Variants in RNF13 observed in about 807,000 individuals in gnomAD.
RNF13 encodes the protein E3 ubiquitin-protein ligase RNF13.
RNF13 carries 19 observed loss-of-function variants against 37.7 expected under a neutral mutation model. That is an observed-to-expected ratio of 0.50 (90% confidence interval 0.35 to 0.74). The LOEUF (loss-of-function observed/expected upper bound fraction) is 0.74. Ranked by LOEUF, RNF13 falls within the 30% of genes least tolerant of loss-of-function variation. The pLI, the probability that RNF13 is intolerant of heterozygous loss-of-function variation, is 0.01. For missense variants in RNF13, 375 were observed against 453.0 expected, an observed-to-expected ratio of 0.83 and a Z score of 1.56; for synonymous variants, 144 against 157.8, an observed-to-expected ratio of 0.91 and a Z score of 0.65.
At chr3:149,895,750 T>C (rs772447649) in intron 5 of RNF13, among the ~76,000 whole-genome samples, 190 bp downstream of exon 5, 2 of 151,634 alleles carry the variant, frequency 1.3e-5, no homozygotes, top group Non-Finnish European at 2.9e-5. Context: ...TTCTGAACAG[T>C]TTTTTTTTAA....
At chr3:149,920,396 A>T (rs546571146) in intron 7 of RNF13, among the ~76,000 whole-genome samples, 6 of 151,472 alleles carry the variant, frequency 4.0e-5, no homozygotes, top group Non-Finnish European at 8.8e-5. Context: ...GCAATGCGCC[A>T]GGCTAATTTT....
intron 7 of RNF13, among the ~76,000 whole-genome samples, chr3:149,915,222 A>G (rs1245874467): frequency 6.6e-6 from 1 of 152,168 alleles, no homozygotes; most frequent in Non-Finnish European, 1.5e-5. Context: ...AATCCTGTTT[A>G]TGATGTATAA....
intron 5 of RNF13, among the ~76,000 whole-genome samples, chr3:149,897,315 C>CT (rs1201325378): frequency 4.8e-4 from 73 of 152,284 alleles, no homozygotes; most frequent in African/African-American, 1.8e-3. Context: ...TTCTCAAGGG[C>CT]TGAATATGTT....
At chr3:149,889,656 T>TA (rs1245180716) in intron 4 of RNF13, among the ~76,000 whole-genome samples, 2 of 148,870 alleles carry the variant, frequency 1.3e-5, no homozygotes, top group Admixed American at 6.7e-5. Context: ...TCTGACAATT[T>TA]TTTTTTTTTT....
At chr3:149,837,769 C>T (rs1721771839) in intron 1 of RNF13, among the ~76,000 whole-genome samples, 1 of 152,090 alleles carries the variant, frequency 6.6e-6, no homozygotes, top group African/African-American at 2.4e-5. Context: ...TGTCATTCTG[C>T]CCTGGCCCCT....
intron 1 of RNF13, among the ~76,000 whole-genome samples, chr3:149,833,118 C>CTTT (rs34729566): frequency 0.029 from 3,290 of 111,806 alleles, 166 homozygotes; most frequent in Non-Finnish European, 0.039. Flanking sequence ...CTCTCTCTCT[C>CTTT]TTTTTTTTTT....
chr3:149,876,048 C>T (rs1185463542), intron 4 of RNF13, among the ~76,000 whole-genome samples: 1 of 152,134 alleles, frequency 6.6e-6, no homozygotes, highest in African/African-American at 2.4e-5. Flanking sequence ...ACTTTCAGAG[C>T]TATACAATTT....
intron 8 of RNF13, among the ~76,000 whole-genome samples, chr3:149,926,753 T>A (rs1718693949): frequency 6.6e-6 from 1 of 152,178 alleles, no homozygotes; most frequent in Non-Finnish European, 1.5e-5. Context: ...TAAATTAAGG[T>A]CCAGATATGT....
chr3:149,860,934 A>T (rs905148106), intron 3 of RNF13, among the ~76,000 whole-genome samples: 8 of 152,156 alleles, frequency 5.3e-5, no homozygotes, highest in Non-Finnish European at 7.4e-5. Context: ...AGTCTGATTT[A>T]AAAAAGGGCA....
At chr3:149,921,795 A>G (rs1455785617) in intron 8 of RNF13, among the ~76,000 whole-genome samples, 2 of 152,160 alleles carry the variant, frequency 1.3e-5, no homozygotes, top group Non-Finnish European at 2.9e-5. Flanking sequence ...CATGATTTAT[A>G]ATCATTTGGG....
chr3:149,848,830 T>C lies in RNF13; in HGVS notation c.114+2690T>C, dbSNP rs149217098. Among the ~76,000 whole-genome samples, 54 of 152,296 alleles carry C rather than the reference T, an allele frequency of 3.5e-4. 1 individual carries two copies. Among genetic ancestry groups the C allele is most frequent in the African/African-American group, 1.3e-3 (52 of 41,548 alleles). On this transcript the variant is annotated intron_variant, in intron 2 of 9. Coordinates refer to ENST00000392894, the MANE Select transcript of RNF13 (RefSeq NM_183381.3). ...GTTGAGTTCTAAGAGGCTATGGAGA[T>C]GCTACTGTAGCATCTAGTCTATAGC...
At chr3:149,944,551 A>G (rs1180664014) in intron 8 of RNF13, among the ~76,000 whole-genome samples, 1 of 152,190 alleles carries the variant, frequency 6.6e-6, no homozygotes, top group African/African-American at 2.4e-5. Flanking sequence ...CATTTCTCTG[A>G]TGGCCAGTGA....
intron 1 of RNF13, among the ~76,000 whole-genome samples, chr3:149,843,531 C>G (rs554284882): frequency 2.0e-5 from 3 of 152,330 alleles, no homozygotes; most frequent in Admixed American, 6.5e-5. Flanking sequence ...GCAAAAAACC[C>G]TCAAAACATG....
chr3:149,957,451 G>GAA (rs1421374450), intron 8 of RNF13, among the ~76,000 whole-genome samples: 3 of 151,976 alleles, frequency 2.0e-5, no homozygotes, highest in Non-Finnish European at 4.4e-5. Flanking sequence ...AATAAAACCA[G>GAA]AAGTCTTTTA....
intron 1 of RNF13, among the ~76,000 whole-genome samples, chr3:149,833,494 T>C (rs1240732850): frequency 6.6e-6 from 1 of 152,184 alleles, no homozygotes; most frequent in Non-Finnish European, 1.5e-5. Context: ...GTCAATGTAA[T>C]GTACCACATT....
At chr3:149,949,968 T>C (rs1721155802) in intron 8 of RNF13, among the ~76,000 whole-genome samples, 2 of 152,194 alleles carry the variant, frequency 1.3e-5, no homozygotes, top group African/African-American at 4.8e-5. Flanking sequence ...TCTTGCATAT[T>C]ATTCCATTTT....
At chr3:149,848,528 A>G (rs1722852176) in intron 2 of RNF13, among the ~76,000 whole-genome samples, 1 of 152,236 alleles carries the variant, frequency 6.6e-6, no homozygotes, top group Non-Finnish European at 1.5e-5. Context: ...TTTTAATGCA[A>G]TAAGAGCATC....
chr3:149,926,222 G>A (rs543185071), intron 8 of RNF13, among the ~76,000 whole-genome samples: 1 of 152,086 alleles, frequency 6.6e-6, no homozygotes, highest in African/African-American at 2.4e-5. Flanking sequence ...GTCTTGATTT[G>A]TTTTTTTGAG....
At chr3:149,847,974 C>T (rs1447771690) in intron 2 of RNF13, among the ~76,000 whole-genome samples, 1 of 152,166 alleles carries the variant, frequency 6.6e-6, no homozygotes, top group Non-Finnish European at 1.5e-5. Context: ...TAACCTTGAT[C>T]AAATTACTCA....
Sources: gnomAD v4.1 joint callset for allele counts (sites outside exome capture counted in the v4.1 genomes callset) on GRCh38, gnomAD v4.1.1 for gene constraint, MANE v1.5 for transcripts, NCBI Gene and HGNC (gene_info 2026-07-23, HGNC 2026-07-21) for gene names.